The following KIAA1586 variants were observed in gnomAD, a reference collection of about 807,000 sequenced individuals.
KIAA1586 encodes KIAA1586.
Under a neutral mutation model 6.1 loss-of-function variants are expected in KIAA1586, and 5 were observed. That is an observed-to-expected ratio of 0.82 (90% CI 0.43 to 1.73). The LOEUF (loss-of-function observed/expected upper bound fraction) is 1.73. KIAA1586 is among the 40% of genes most tolerant of loss of function. The pLI is 0.02. For missense variants in KIAA1586, 899 were observed against 878.2 expected (o/e 1.02, Z -0.30); for synonymous variants, 280 against 301.7 (o/e 0.93, Z 0.75).
At chr6:57,065,090 T>C in the KIAA1586 span, among the ~76,000 whole-genome samples, 2 of 152,218 alleles carry the variant, frequency 1.3e-5, no homozygotes, top group Non-Finnish European at 2.9e-5. Flanking sequence ...TCAGGAAGTA[T>C]CGTTTTGCTG....
In KIAA1586 at chr6:57,053,692, G is replaced by GA; in HGVS notation, c.1196dup (p.Ser400ValfsTer13). 6.2e-7 allele frequency: 1 copy of GA among 1,611,496 alleles called. No individual in the cohort carries two copies. Among genetic ancestry groups the GA allele is most frequent in the Non-Finnish European group, 8.5e-7 (1 of 1,178,018 alleles). On this transcript the variant is annotated frameshift_variant, in exon 4 of 4. Coordinates refer to ENST00000370733, the MANE Select transcript of KIAA1586 (RefSeq NM_020931.4). LOFTEE classifies it low-confidence loss of function (END_TRUNC). Reference sequence around the variant, plus strand: ...GATGGTGCTAATACAATCCTGGGAAGAAAGTCTGGAGTAGCTACAAAATTG... The same window carrying GA: ...GATGGTGCTAATACAATCCTGGGAAGAAAAGTCTGGAGTAGCTACAAAATTG...
chr6:57,060,765 A>G, the KIAA1586 span, among the ~76,000 whole-genome samples: 1 of 152,176 alleles, frequency 6.6e-6, no homozygotes, highest in Non-Finnish European at 1.5e-5. Flanking sequence ...TTATGAACAG[A>G]TAACCAAAAT....
intron 2 of KIAA1586, among the ~76,000 whole-genome samples, chr6:57,049,040 G>A (rs1325625659): frequency 6.6e-6 from 1 of 151,436 alleles, no homozygotes; most frequent in Non-Finnish European, 1.5e-5. Context: ...ACAATATTTT[G>A]TATATCCAGC....
intron 2 of KIAA1586, among the ~76,000 whole-genome samples, chr6:57,049,970 TAAAAAAAA>T (rs1828277757): frequency 6.6e-6 from 1 of 151,728 alleles, no homozygotes; most frequent in Non-Finnish European, 1.5e-5. Context: ...TCATTTCAGT[TAAAAAAAA>T]TTGTACTATG....
At chr6:57,048,775 G>A (rs560523855) in intron 2 of KIAA1586, among the ~76,000 whole-genome samples, 1 of 152,246 alleles carries the variant, frequency 6.6e-6, no homozygotes, top group Non-Finnish European at 1.5e-5. Flanking sequence ...TCTGATTGAT[G>A]ATCCATGTGC....
rs770800805 is a variant in KIAA1586, at chr6:57,053,445, A to G, written c.946A>G (p.Ile316Val). 7 of 1,611,296 alleles carry G rather than the reference A, an allele frequency of 4.3e-6. No homozygotes were observed. The Admixed American group carries it at 5.0e-5, about 12-fold the overall frequency. Residue 316 changes from isoleucine to valine, a missense_variant, in exon 4 of 4, where the codon ATC (isoleucine) becomes GTC (valine). Physicochemically the swap from Ile to Val is conservative, Grantham distance 29. Coordinates refer to ENST00000370733, the MANE Select transcript of KIAA1586 (RefSeq NM_020931.4). ...NIIEENAKICIIIDEASTVSK... is the reference protein window; with the variant it reads ...NIIEENAKICVIIDEASTVSK... ...TATAGAAGAGAATGCCAAAATCTGTATCATAATTGATGAGGCATCTACAGT... is the reference window on the plus strand; with the variant it reads ...TATAGAAGAGAATGCCAAAATCTGTGTCATAATTGATGAGGCATCTACAGT...
the KIAA1586 span, among the ~76,000 whole-genome samples, chr6:57,063,096 T>C: frequency 6.6e-6 from 1 of 152,126 alleles, no homozygotes; most frequent in Non-Finnish European, 1.5e-5. Context: ...TATATAAATG[T>C]GAAGAGATAT....
chr6:57,049,476 C>T (rs542763183), intron 2 of KIAA1586, among the ~76,000 whole-genome samples: 33 of 152,218 alleles, frequency 2.2e-4, no homozygotes, highest in African/African-American at 7.5e-4. Context: ...CTTCATTCTG[C>T]GTTGTGGCAC....
Position 57,050,839 on chromosome 6 carries a change from C to T in KIAA1586, c.171C>T (p.Ser57=), listed in dbSNP as rs779931096. The T allele has an allele frequency of 4.7e-5, 75 of 1,610,414 alleles. No individual in the cohort carries two copies. Among genetic ancestry groups the T allele is most frequent in the Non-Finnish European group, 5.8e-5 (68 of 1,176,918 alleles). The change falls in exon 3 of 4, where the codon AGC becomes AGT. Residue 57 remains serine, a synonymous_variant. Coordinates refer to ENST00000370733, the MANE Select transcript of KIAA1586 (RefSeq NM_020931.4). ...DLVCGDDENP[S]AYYSDILFPK... ...TCTGTGGTGATGATGAAAACCCTAGCGCCTATTATAGTGATGTAAGCACAT... is the reference window on the plus strand; with the variant it reads ...TCTGTGGTGATGATGAAAACCCTAGTGCCTATTATAGTGATGTAAGCACAT...
rs1828369349 is a variant in KIAA1586 at position 57,052,878 on chromosome 6, G to T, written c.379G>T (p.Glu127Ter). 1 of 1,612,764 alleles carries T rather than the reference G, an allele frequency of 6.2e-7. No individual in the cohort carries two copies. The highest frequency in any genetic ancestry group is 8.5e-7 in the Non-Finnish European group (1 of 1,179,582). The change falls in exon 4 of 4, where the codon GAA (glutamate) becomes TAA (stop). Residue 127 changes from glutamate (E) to a stop codon, truncating the protein, a stop_gained. Transcript: ENST00000370733. LOFTEE classifies it low-confidence loss of function (END_TRUNC). ...EEKPSLSSKKEIDNLVLPDCW... is the reference protein window; with the variant it reads ...EEKPSLSSKK ...AAAGCCATCACTTTCATCAAAGAAAGAAATAGATAATCTTGTGCTTCCAGA... is the reference window on the plus strand; with the variant it reads ...AAAGCCATCACTTTCATCAAAGAAATAAATAGATAATCTTGTGCTTCCAGA...
chr6:57,048,466 C>T (rs540305673), intron 2 of KIAA1586, among the ~76,000 whole-genome samples: 1 of 152,122 alleles, frequency 6.6e-6, no homozygotes, highest in East Asian at 1.9e-4. Flanking sequence ...GACATATTTC[C>T]CAATTAATAG....
At chr6:57,049,094 C>T (rs958398061) in intron 2 of KIAA1586, among the ~76,000 whole-genome samples, 4 of 152,078 alleles carry the variant, frequency 2.6e-5, no homozygotes, top group African/African-American at 9.7e-5. Flanking sequence ...AATAGAAGAT[C>T]AAAGGTTTGA....
chr6:57,060,248 C>T, the KIAA1586 span, among the ~76,000 whole-genome samples: 12 of 152,178 alleles, frequency 7.9e-5, no homozygotes, highest in South Asian at 1.7e-3. Flanking sequence ...TCATAATTGC[C>T]GGATGCCTGG....
chr6:57,060,261 C>T, the KIAA1586 span, among the ~76,000 whole-genome samples: 1 of 152,006 alleles, frequency 6.6e-6, no homozygotes, highest in Non-Finnish European at 1.5e-5. Context: ...ATGCCTGGCA[C>T]AGTTTTAGGG....
chr6:57,053,349 A>C lies in KIAA1586; in HGVS notation c.850A>C (p.Thr284Pro), dbSNP rs1479079468. The C allele has an allele frequency of 6.2e-7, 1 of 1,612,566 alleles. No homozygotes were observed. Among genetic ancestry groups the C allele is most frequent in the Admixed American group, 1.7e-5 (1 of 59,848 alleles). Residue 284 changes from threonine to proline, a missense_variant, in exon 4 of 4, where the codon ACA becomes CCA. Transcript: ENST00000370733. ...AAATGGAGAGGTAAATTGTTTAAATACACGTTACAGTGCAACAAGAATAGC... is the reference window on the plus strand; with the variant it reads ...AAATGGAGAGGTAAATTGTTTAAATCCACGTTACAGTGCAACAAGAATAGC... ...EKNGEVNCLN[T>P]RYSATRIAEH...
chr6:57,051,648 A>G (rs1409190983), intron 3 of KIAA1586, among the ~76,000 whole-genome samples: 1 of 148,686 alleles, frequency 6.7e-6, no homozygotes, highest in Non-Finnish European at 1.5e-5. Flanking sequence ...ATATTCCAAA[A>G]CTCGGCCAGG....
the KIAA1586 span, among the ~76,000 whole-genome samples, chr6:57,064,727 T>C: frequency 6.6e-6 from 1 of 152,198 alleles, no homozygotes; most frequent in African/African-American, 2.4e-5. Flanking sequence ...TTTATTGTCA[T>C]AGAGACCACT....
chr6:57,059,329 A>G (rs989024533), downstream of KIAA1586, among the ~76,000 whole-genome samples: 3 of 152,304 alleles, frequency 2.0e-5, no homozygotes, highest in East Asian at 1.9e-4. Flanking sequence ...GCACTGGCTC[A>G]TGCCTGTAAT....
the KIAA1586 span, among the ~76,000 whole-genome samples, chr6:57,066,106 GTC>G: frequency 6.8e-6 from 1 of 147,452 alleles, no homozygotes; most frequent in Non-Finnish European, 1.5e-5. Flanking sequence ...GTGAAAACCT[GTC>G]TCTACTGAAA....
Sources: allele counts gnomAD v4.1 joint callset (sites outside exome capture counted in the v4.1 genomes callset), GRCh38; gene constraint gnomAD v4.1.1; transcripts MANE v1.5; gene names NCBI Gene and HGNC (gene_info 2026-07-23, HGNC 2026-07-21).